The following PCDH15 variants were observed in gnomAD, a reference collection of about 807,000 sequenced individuals.
PCDH15 encodes the protein protocadherin-15.
A neutral mutation model predicts 178.5 loss-of-function variants in PCDH15; 129 were observed. The observed-to-expected ratio is 0.72, with a 90% CI of 0.63 to 0.84. PCDH15 has a LOEUF of 0.84. Among genes scored for constraint, PCDH15 ranks in the 40% least tolerant of loss-of-function variants. The pLI, the probability that PCDH15 is intolerant of heterozygous loss-of-function variation, is 0.00. For synonymous variants in PCDH15, 800 were observed against 732.0 expected (o/e 1.09, Z -1.50); for missense variants, 2,230 against 2,099.9 (o/e 1.06, Z -1.21).
chr10:54,371,407 A>C (rs1947652608), intron 4 of PCDH15, among the ~76,000 whole-genome samples: 2 of 151,840 alleles, frequency 1.3e-5, no homozygotes, highest in Non-Finnish European at 2.9e-5. Flanking sequence ...ACCATTTTAC[A>C]GGTGCATAGA....
chr10:55,281,752 A>C (rs536224605), intron 1 of PCDH15, among the ~76,000 whole-genome samples: 1 of 152,180 alleles, frequency 6.6e-6, no homozygotes, highest in Admixed American at 6.5e-5. Flanking sequence ...ATATGAAACC[A>C]AACTTCTCAC....
chr10:54,785,190 T>G (rs1950736782), intron 1 of PCDH15, among the ~76,000 whole-genome samples: 1 of 151,990 alleles, frequency 6.6e-6, no homozygotes, highest in Admixed American at 6.6e-5. Context: ...GAAAATAACT[T>G]CTTGTTCTCA....
At chr10:54,157,424 C>G (rs2045272161) in intron 13 of PCDH15, among the ~76,000 whole-genome samples, 1 of 152,172 alleles carries the variant, frequency 6.6e-6, no homozygotes, top group African/African-American at 2.4e-5. Context: ...AGCCTGAGCT[C>G]TATGTTGGAC....
At chr10:54,794,121 T>C (rs1396674124) in intron 1 of PCDH15, among the ~76,000 whole-genome samples, 1 of 146,924 alleles carries the variant, frequency 6.8e-6, no homozygotes, top group East Asian at 2.0e-4. Context: ...TTAAGATATA[T>C]ATAAGATATA....
At chr10:55,028,988 G>A (rs905075161) in intron 2 of PCDH15, among the ~76,000 whole-genome samples, 9 of 148,620 alleles carry the variant, frequency 6.1e-5, no homozygotes, top group Non-Finnish European at 8.9e-5. Context: ...AATTTTTTTT[G>A]AGTCTTTCCA....
intron 1 of PCDH15, among the ~76,000 whole-genome samples, chr10:55,247,202 TA>T (rs1192380742): frequency 6.6e-6 from 1 of 152,192 alleles, no homozygotes; most frequent in Non-Finnish European, 1.5e-5. Flanking sequence ...TTCTTTAGTT[TA>T]GATTTTTCAA....
chr10:54,595,790 G>C (rs1196239532), intron 2 of PCDH15, among the ~76,000 whole-genome samples: 1 of 152,076 alleles, frequency 6.6e-6, no homozygotes, highest in Admixed American at 6.6e-5. Context: ...TGACAGGATA[G>C]AGCTGAAAAA....
intron 2 of PCDH15, among the ~76,000 whole-genome samples, chr10:55,083,183 A>T (rs1842086348): frequency 6.6e-6 from 1 of 151,928 alleles, no homozygotes; most frequent in South Asian, 2.1e-4. Flanking sequence ...ATTCTACAAC[A>T]CATTAAAAAG....
chr10:54,454,184 T>C (rs1443778563), intron 3 of PCDH15, among the ~76,000 whole-genome samples: 2 of 149,452 alleles, frequency 1.3e-5, no homozygotes, highest in African/African-American at 2.4e-5. Context: ...TATATGCATA[T>C]ATATTTAATT....
At chr10:55,547,696 G>C (rs1841914443) in intron 2 of PCDH15, among the ~76,000 whole-genome samples, 1 of 151,818 alleles carries the variant, frequency 6.6e-6, no homozygotes. Context: ...CAATTTCTTT[G>C]ACCACTAGAA....
At chr10:55,279,504 C>A (rs1842675083) in intron 1 of PCDH15, among the ~76,000 whole-genome samples, 1 of 152,004 alleles carries the variant, frequency 6.6e-6, no homozygotes, top group African/African-American at 2.4e-5. Context: ...ACTTGATAAG[C>A]GACCGGCATA....
intron 2 of PCDH15, among the ~76,000 whole-genome samples, chr10:55,376,087 C>T (rs955894935): frequency 6.6e-6 from 1 of 151,698 alleles, no homozygotes; most frequent in Admixed American, 6.6e-5. Flanking sequence ...TTAATCATAA[C>T]AGAATATATT....
chr10:54,657,304 C>T (rs944731800), intron 2 of PCDH15, among the ~76,000 whole-genome samples: 1 of 152,192 alleles, frequency 6.6e-6, no homozygotes, highest in Non-Finnish European at 1.5e-5. Context: ...GCCTCCAACG[C>T]TCTTCCATTG....
rs887710909 is a variant in PCDH15 at position 55,078,685 on chromosome 10, T to C, written c.-80+87891A>G. 2.0e-5 allele frequency among the ~76,000 whole-genome samples: 3 copies of C among 152,054 alleles called. No homozygotes were observed. The East Asian group carries it at 5.8e-4, about 29-fold the overall frequency. On this transcript the variant is annotated intron_variant, in intron 2 of 5. Coordinates refer to the PCDH15 transcript ENST00000458638. ...GCTCATTTTTGGTTCTGTGGATAAA[T>C]TTTTTAGTGTTGATTTCTGAGATTT...
rs190775055 is a variant in PCDH15, at chr10:54,203,418, T to G, written c.1099-7529A>C. Among the ~76,000 whole-genome samples, 517 of 152,314 alleles carry G rather than the reference T, an allele frequency of 3.4e-3. 5 individuals are homozygous for G. Among genetic ancestry groups the G allele is most frequent in the African/African-American group, 0.012 (488 of 41,578 alleles). ...TGTATACACAGTATCAATATAGTTT[T>G]GGGTGTAAGCCACCACTTTTACTTT... On this transcript the variant is annotated intron_variant, in intron 10 of 37. Transcript: ENST00000644397.
chr10:55,256,196 T>C (rs1003182871), intron 1 of PCDH15, among the ~76,000 whole-genome samples: 1 of 152,250 alleles, frequency 6.6e-6, no homozygotes, highest in Admixed American at 6.5e-5. Flanking sequence ...GCACCATTTA[T>C]TAAATAGGGA....
rs994997281 is a variant in PCDH15, at chr10:53,806,067, T to G, written c.*512A>C. ...AAAATAATTAATTATTTACAGGTGA[T>G]TCCCTCATTTACTTTACTTTGCAAT... On this transcript the variant is annotated 3_prime_UTR_variant, in exon 38 of 38. Coordinates refer to ENST00000644397, the MANE Select transcript of PCDH15 (RefSeq NM_001384140.1). The G allele has an allele frequency of 6.5e-6, 1 of 153,420 alleles. No individual in the cohort carries two copies. Among genetic ancestry groups the G allele is most frequent in the Non-Finnish European group, 1.4e-5 (1 of 69,042 alleles). 9.5% of individuals were successfully genotyped at this position (153,420 alleles called of 1,614,324 possible). A position where few individuals can be genotyped will look rare whatever the true frequency, so the allele number is the denominator to read the frequency against.
At chr10:55,096,213 A>C (rs1435192858) in intron 2 of PCDH15, among the ~76,000 whole-genome samples, 1 of 152,154 alleles carries the variant, frequency 6.6e-6, no homozygotes, top group Non-Finnish European at 1.5e-5. Flanking sequence ...ACAGGAAACC[A>C]CCATCCCATG....
chr10:54,274,649 T>A (rs978299331), intron 8 of PCDH15, among the ~76,000 whole-genome samples: 2 of 151,668 alleles, frequency 1.3e-5, no homozygotes, highest in Non-Finnish European at 2.9e-5. Context: ...TGTGTGTGTG[T>A]GTGTGTGTCT....
Sources: gnomAD v4.1 joint callset for allele counts (sites outside exome capture counted in the v4.1 genomes callset) on GRCh38, gnomAD v4.1.1 for gene constraint, MANE v1.5 for transcripts, NCBI Gene and HGNC (gene_info 2026-07-23, HGNC 2026-07-21) for gene names.